Variants in LRBA observed in about 807,000 individuals in gnomAD.
LRBA encodes LPS responsive beige-like anchor protein, also known as lipopolysaccharide-responsive and beige-like anchor protein.
In LRBA, 176 loss-of-function variants were observed where a neutral mutation model predicts 330.0. The observed-to-expected ratio is 0.53, with a 90% CI of 0.47 to 0.60. The LOEUF is 0.60. Ranked by LOEUF, LRBA falls within the 20% of genes least tolerant of loss-of-function variation. LRBA has a pLI of 0.00. For missense variants in LRBA, 3,259 were observed against 3,444.8 expected (o/e 0.95, Z 1.35); for synonymous variants, 1,230 against 1,193.0 (o/e 1.03, Z -0.64).
At chr4:150,556,356 T>C (rs1386688926) in intron 40 of LRBA, among the ~76,000 whole-genome samples, 2 of 152,226 alleles carry the variant, frequency 1.3e-5, no homozygotes, top group Admixed American at 1.3e-4. Context: ...GTTTGAAGTT[T>C]AATATATTCA....
intron 2 of LRBA, among the ~76,000 whole-genome samples, chr4:150,997,156 G>T (rs1348017918): frequency 6.6e-6 from 1 of 152,118 alleles, no homozygotes. Flanking sequence ...AGTGCATTCA[G>T]CACTATAGAA....
At chr4:150,388,405 T>A (rs1468508982) in intron 47 of LRBA, among the ~76,000 whole-genome samples, 1 of 152,186 alleles carries the variant, frequency 6.6e-6, no homozygotes, top group Non-Finnish European at 1.5e-5. Context: ...CCCAAATGCC[T>A]CCAAAGTTTT....
rs192328975 is a variant in LRBA at position 150,927,794 on chromosome 4, T to G, written c.549+722A>C. 1.3e-3 allele frequency among the ~76,000 whole-genome samples: 200 copies of G among 151,668 alleles called. 1 individual carries two copies. The highest frequency in any genetic ancestry group is 4.5e-3 in the African/African-American group (184 of 41,334). On this transcript the variant is annotated intron_variant, in intron 4 of 56. Coordinates refer to ENST00000651943, the MANE Select transcript of LRBA (RefSeq NM_001364905.1). ...ACTAAAATTAGACAGTAAACTGGAG[T>G]TTGAGAGAAATATGCTAAAGAATCT...
intron 2 of LRBA, among the ~76,000 whole-genome samples, chr4:150,948,790 G>A (rs1278204813): frequency 6.6e-6 from 1 of 151,730 alleles, no homozygotes; most frequent in Non-Finnish European, 1.5e-5. Context: ...GCAGAAGAAC[G>A]TTTCACCAAA....
intron 47 of LRBA, among the ~76,000 whole-genome samples, chr4:150,382,524 G>A (rs913057424): frequency 3.9e-5 from 6 of 151,936 alleles, no homozygotes; most frequent in Admixed American, 3.9e-4. Flanking sequence ...TCAGGAGGCC[G>A]AGGCAAGAGA....
intron 55 of LRBA, 60 bp from the exon 56 acceptor site, chr4:150,278,064 C>T: frequency 6.6e-7 from 1 of 1,518,980 alleles, no homozygotes; most frequent in Admixed American, 1.7e-5. Flanking sequence ...GGCCCCCACC[C>T]TGTTTTTGAG....
At chr4:150,525,088 T>C (rs554086661) in intron 40 of LRBA, among the ~76,000 whole-genome samples, 25 of 152,256 alleles carry the variant, frequency 1.6e-4, no homozygotes, top group Middle Eastern at 3.4e-3. Context: ...AATGTTAAAA[T>C]AGATTTCAAT....
At chr4:150,566,854 A>C (rs1411228294) in intron 40 of LRBA, among the ~76,000 whole-genome samples, 1 of 152,146 alleles carries the variant, frequency 6.6e-6, no homozygotes, top group East Asian at 1.9e-4. Context: ...AAATCAAATC[A>C]GAAATTGAAA....
intron 40 of LRBA, among the ~76,000 whole-genome samples, chr4:150,573,657 T>C (rs577566683): frequency 6.6e-6 from 1 of 152,096 alleles, no homozygotes; most frequent in African/African-American, 2.4e-5. Flanking sequence ...ATCACGTAAG[T>C]GAAAGGAGGT....
At chr4:150,859,756 T>C (rs1233432530) in intron 22 of LRBA, among the ~76,000 whole-genome samples, 1 of 152,238 alleles carries the variant, frequency 6.6e-6, no homozygotes, top group Admixed American at 6.5e-5. Flanking sequence ...TATCCTGATG[T>C]AACTCTGCAA....
chr4:150,796,418 G>A (rs1740802489), intron 34 of LRBA, among the ~76,000 whole-genome samples: 1 of 151,910 alleles, frequency 6.6e-6, no homozygotes, highest in African/African-American at 2.4e-5. Context: ...ACATCTTGTA[G>A]AGATGCCATG....
At chr4:150,667,793 C>G (rs1269209085) in intron 37 of LRBA, among the ~76,000 whole-genome samples, 1 of 152,152 alleles carries the variant, frequency 6.6e-6, no homozygotes, top group South Asian at 2.1e-4. Flanking sequence ...CTGACTGGCA[C>G]CAGATCACAG....
chr4:150,605,006 C>T (rs1381924374), intron 37 of LRBA, among the ~76,000 whole-genome samples: 1 of 151,926 alleles, frequency 6.6e-6, no homozygotes, highest in Non-Finnish European at 1.5e-5. Context: ...AAGCAAAATT[C>T]AATAAAAAGA....
intron 47 of LRBA, among the ~76,000 whole-genome samples, chr4:150,373,503 T>C (rs1207457696): frequency 6.6e-6 from 1 of 152,156 alleles, no homozygotes; most frequent in Non-Finnish European, 1.5e-5. Context: ...TCTTGGTGAA[T>C]CCCATGATCT....
intron 35 of LRBA, among the ~76,000 whole-genome samples, chr4:150,750,868 AC>A (rs1456170826): frequency 6.6e-6 from 1 of 151,846 alleles, no homozygotes; most frequent in African/African-American, 2.4e-5. Flanking sequence ...TGCTTCCTTA[AC>A]CAGAACTGAT....
intron 37 of LRBA, among the ~76,000 whole-genome samples, chr4:150,624,491 T>G (rs1181171968): frequency 6.6e-6 from 1 of 152,100 alleles, no homozygotes; most frequent in African/African-American, 2.4e-5. Context: ...AATTCTATTC[T>G]CTCCCTTGTC....
chr4:150,848,945 C>A lies in LRBA; in HGVS notation c.4212G>T (p.Val1404=). The A allele has an allele frequency of 6.2e-7, 1 of 1,611,724 alleles. No individual in the cohort carries two copies. Among genetic ancestry groups the A allele is most frequent in the Non-Finnish European group, 8.5e-7 (1 of 1,178,812 alleles). The stretch of plus-strand genomic sequence containing the variant: ...GGCTAATTAGCCTCTGCAAAAATGT[C>A]ACAGAGGCTTCTATTGAAAGGCCTT... ...PTQGLSIEAS[V]TFLQRLISLV... is the part of the protein sequence containing the mutation. The change falls in exon 26 of 57, where the codon GTG becomes GTT. Residue 1404 remains valine, a synonymous_variant. Coordinates refer to ENST00000651943, the MANE Select transcript of LRBA (RefSeq NM_001364905.1).
chr4:150,654,058 T>C (rs1779951416), intron 37 of LRBA, among the ~76,000 whole-genome samples: 1 of 152,198 alleles, frequency 6.6e-6, no homozygotes, highest in Admixed American at 6.5e-5. Flanking sequence ...ATGTAGTATA[T>C]AATAGCAAAT....
At chr4:150,833,981 A>G (rs1223450011) in intron 28 of LRBA, among the ~76,000 whole-genome samples, 1 of 152,182 alleles carries the variant, frequency 6.6e-6, no homozygotes, top group Non-Finnish European at 1.5e-5. Flanking sequence ...TAGGAAACCA[A>G]TTTCTTTGAT....
Sources: gnomAD v4.1 joint callset for allele counts (sites outside exome capture counted in the v4.1 genomes callset) on GRCh38, gnomAD v4.1.1 for gene constraint, MANE v1.5 for transcripts, NCBI Gene and HGNC (gene_info 2026-07-23, HGNC 2026-07-21) for gene names.